ECPAS: variants seen among roughly 807,000 people sequenced by gnomAD.
ECPAS encodes proteasome adapter and scaffold protein ECM29.
In ECPAS, 70 loss-of-function variants were observed where a neutral mutation model predicts 255.1. The observed-to-expected ratio is 0.27, with a 90% CI of 0.23 to 0.33. The LOEUF is 0.33. Ranked by LOEUF, ECPAS falls within the 10% of genes least tolerant of loss-of-function variation. The probability of loss-of-function intolerance (pLI) is 1.00; values close to 1 mark genes in which losing one functional copy is unlikely to be tolerated. For missense variants in ECPAS, 1,817 were observed against 2,206.4 expected, an observed-to-expected ratio of 0.82 and a Z score of 3.54; for synonymous variants, 784 against 775.0, an observed-to-expected ratio of 1.01 and a Z score of -0.19.
intron 24 of ECPAS, among the ~76,000 whole-genome samples, chr9:111,402,567 A>G (rs1213794223): frequency 6.6e-6 from 1 of 152,210 alleles, no homozygotes; most frequent in African/African-American, 2.4e-5. Flanking sequence ...TAGAATCTTT[A>G]GTATGAAGAC....
intron 3 of ECPAS, among the ~76,000 whole-genome samples, chr9:111,449,762 G>A (rs1386260156): frequency 1.3e-5 from 2 of 152,122 alleles, no homozygotes; most frequent in Non-Finnish European, 2.9e-5. Context: ...GAGTGATGGA[G>A]GCACTACCAT....
chr9:111,390,888 A>T (rs1305168972), intron 29 of ECPAS, among the ~76,000 whole-genome samples: 2 of 152,240 alleles, frequency 1.3e-5, no homozygotes, highest in Non-Finnish European at 2.9e-5. Context: ...AACTAGCGGC[A>T]GTGGGTGCAC....
chr9:111,430,476 T>C lies in ECPAS; in HGVS notation c.930+71A>G, dbSNP rs2098228144. ...CAGCTTAAATGAAACTAGAAGAAAA[T>C]GTATAAATACGCAGTTCATGTCAAC... On this transcript the variant is annotated intron_variant, in intron 9 of 49. Transcript: ENST00000684092. 5 of 904,658 alleles carry C rather than the reference T, an allele frequency of 5.5e-6. No individual in the cohort carries two copies. The Admixed American group carries it at 1.0e-4, about 19-fold the overall frequency. 56.0% of individuals were successfully genotyped at this position (904,658 alleles called of 1,614,324 possible).
At chr9:111,398,905 C>G (rs559073810) in intron 24 of ECPAS, among the ~76,000 whole-genome samples, 1 of 152,008 alleles carries the variant, frequency 6.6e-6, no homozygotes, top group South Asian at 2.1e-4. Context: ...CCATTGCACT[C>G]CAGCCTGGGC....
intron 17 of ECPAS, among the ~76,000 whole-genome samples, chr9:111,417,020 C>T (rs555063615): frequency 1.3e-5 from 2 of 152,036 alleles, no homozygotes; most frequent in South Asian, 2.1e-4. Flanking sequence ...CTAAAGCGTG[C>T]CCTTAAAAAT....
chr9:111,475,736 CAAA>C lies in ECPAS; in HGVS notation c.-82-2739_-82-2737del, dbSNP rs1285853583. Among the ~76,000 whole-genome samples, 5 of 94,162 alleles carry C rather than the reference CAAA, an allele frequency of 5.3e-5. No individual in the cohort carries two copies. In the East Asian group the frequency reaches 1.1e-3, roughly 21 times the overall value. 61.8% of individuals were successfully genotyped at this position (94,162 alleles called of 152,430 possible). ...GAGTGACAGAGTGAGACTCTAGTTTCAAAAAAAAAAAAAACCCAGAATGCAGTG... is the reference window on the plus strand; with the variant it reads ...GAGTGACAGAGTGAGACTCTAGTTTCAAAAAAAAAAACCCAGAATGCAGTG... On this transcript the variant is annotated intron_variant, in intron 1 of 49. Coordinates refer to ENST00000684092, the MANE Select transcript of ECPAS (RefSeq NM_001364929.1).
At chr9:111,376,568 G>A (rs767990937) in intron 36 of ECPAS, 27 bp from the exon 37 acceptor site, 23 of 1,553,240 alleles carry the variant, frequency 1.5e-5, no homozygotes, top group South Asian at 3.5e-5. Flanking sequence ...AAAGTCACCC[G>A]GCACATTCAA....
rs937975968 is a variant in ECPAS at position 111,479,076 on chromosome 9, G to A, written c.-83+5040C>T. ...CTGAGGACACTGGGACTACTTTCCA[G>A]CTGCAGGACCCAGGGGACCTAAGAA... On this transcript the variant is annotated intron_variant, in intron 1 of 49. Transcript: ENST00000684092. Among the ~76,000 whole-genome samples the A allele has an allele frequency of 2.0e-5, 3 of 152,160 alleles. No homozygotes were observed. In the East Asian group the frequency reaches 5.8e-4, roughly 29 times the overall value.
intron 42 of ECPAS, 102 bp from the exon 43 acceptor site, chr9:111,371,931 C>T (rs2098127794): frequency 1.2e-6 from 1 of 825,812 alleles, no homozygotes; most frequent in Non-Finnish European, 1.9e-6. Flanking sequence ...AAAGCAGTGA[C>T]TCTCAACTGT....
At chr9:111,421,176 T>C (rs2098213047) in intron 15 of ECPAS, among the ~76,000 whole-genome samples, 1 of 152,200 alleles carries the variant, frequency 6.6e-6, no homozygotes, top group South Asian at 2.1e-4. Flanking sequence ...TTTCTGAATG[T>C]ATATAATAGC....
chr9:111,458,662 A>G (rs2098269774), intron 2 of ECPAS, among the ~76,000 whole-genome samples: 1 of 152,030 alleles, frequency 6.6e-6, no homozygotes. Context: ...GGGGGGTGTT[A>G]GAAATTGAGT....
At chr9:111,434,678 C>CTCCT (rs1161889761) in intron 7 of ECPAS, among the ~76,000 whole-genome samples, 1 of 150,914 alleles carries the variant, frequency 6.6e-6, no homozygotes, top group Non-Finnish European at 1.5e-5. Flanking sequence ...CAACCTCTGC[C>CTCCT]TCCTGGGTTC....
intron 17 of ECPAS, among the ~76,000 whole-genome samples, chr9:111,417,432 TGTAA>T (rs2098205563): frequency 6.6e-6 from 1 of 152,102 alleles, no homozygotes; most frequent in African/African-American, 2.4e-5. Flanking sequence ...TTCTTCTTAT[TGTAA>T]GTATTAATGC....
At chr9:111,395,379 C>T (rs1013783540) in intron 25 of ECPAS, among the ~76,000 whole-genome samples, 2 of 152,168 alleles carry the variant, frequency 1.3e-5, no homozygotes, top group African/African-American at 4.8e-5. Context: ...CCAACAATGA[C>T]ATCCAAAGGC....
intron 3 of ECPAS, among the ~76,000 whole-genome samples, chr9:111,449,637 A>T (rs967986009): frequency 4.6e-5 from 7 of 152,202 alleles, no homozygotes; most frequent in Non-Finnish European, 7.3e-5. Flanking sequence ...AAGATAAGTA[A>T]ATGAGTTAAA....
chr9:111,427,406 T>C (rs866533640), intron 10 of ECPAS, among the ~76,000 whole-genome samples: 3 of 152,154 alleles, frequency 2.0e-5, no homozygotes, highest in African/African-American at 2.4e-5. Context: ...AAGTTGCTAA[T>C]GATACCATTT....
intron 1 of ECPAS, among the ~76,000 whole-genome samples, chr9:111,474,011 T>A (rs540088228): frequency 1.3e-5 from 2 of 152,184 alleles, no homozygotes; most frequent in Non-Finnish European, 2.9e-5. Context: ...AGTTTTATTA[T>A]CTCATTTTAC....
In ECPAS at chr9:111,366,584, T is replaced by C. The variant is rs1421431075; in HGVS notation, c.5157A>G (p.Leu1719=). ...QELCKLMCER[L]KLSTWKVQLG... Reference sequence around the variant, plus strand: ...GCTGCACTTTCCACGTGCTGAGTTTTAGCCGTTCACACATCAGTTTGCACA... The same window carrying C: ...GCTGCACTTTCCACGTGCTGAGTTTCAGCCGTTCACACATCAGTTTGCACA... The change falls in exon 47 of 50, where the codon CTA becomes CTG. Residue 1719 remains leucine, a synonymous_variant. Transcript: ENST00000684092. 6.2e-6 allele frequency: 10 copies of C among 1,613,444 alleles called. No individual in the cohort carries two copies. Among genetic ancestry groups the C allele is most frequent in the East Asian group, 2.2e-5 (1 of 44,826 alleles).
chr9:111,451,792 T>G (rs1301740126), intron 2 of ECPAS, among the ~76,000 whole-genome samples: 2 of 152,150 alleles, frequency 1.3e-5, no homozygotes, highest in Non-Finnish European at 2.9e-5. Flanking sequence ...AAAAGTTCTC[T>G]CCCACATGCA....
Sources: allele counts gnomAD v4.1 joint callset (sites outside exome capture counted in the v4.1 genomes callset), GRCh38; gene constraint gnomAD v4.1.1; transcripts MANE v1.5; gene names NCBI Gene and HGNC (gene_info 2026-07-23, HGNC 2026-07-21).